Variants in UTP4 observed in about 807,000 individuals in gnomAD.
UTP4 encodes the protein UTP4 small subunit processome component.
In UTP4, 45 loss-of-function variants were observed where a neutral mutation model predicts 82.4. The observed-to-expected ratio is 0.55, with a 90% CI of 0.43 to 0.70. The LOEUF (loss-of-function observed/expected upper bound fraction) is 0.70, where lower values mean the gene tolerates loss of function less well. Among genes scored for constraint, UTP4 ranks in the 30% least tolerant of loss-of-function variants. UTP4 has a pLI of 0.00. For synonymous variants in UTP4, 348 were observed against 300.3 expected (o/e 1.16, Z -1.64); for missense variants, 819 against 858.3 (o/e 0.95, Z 0.57).
In UTP4 at chr16:69,160,359, C is replaced by A; in HGVS notation, c.1448C>A (p.Thr483Lys). The A allele has an allele frequency of 6.2e-7, 1 of 1,613,304 alleles. No individual in the cohort carries two copies. The highest frequency in any genetic ancestry group is 1.1e-5 in the South Asian group (1 of 91,062). Residue 483 changes from threonine to lysine, a missense_variant, in exon 13 of 17, where the codon ACA becomes AAA. Coordinates refer to ENST00000314423, the MANE Select transcript of UTP4 (RefSeq NM_032830.3). ...HLHAFQPQSG[T>K]VEAMCLLAVS... ...TGTAACTGTTTTGTCCTCACAGGAA[C>A]AGTGGAGGCCATGTGTCTTTTGGCA...
intron 6 of UTP4, among the ~76,000 whole-genome samples, chr16:69,150,192 T>C (rs1963223673): frequency 6.6e-6 from 1 of 152,230 alleles, no homozygotes; most frequent in Non-Finnish European, 1.5e-5. Context: ...TGAATTTCTT[T>C]GTTAGGTTTT....
chr16:69,135,502 C>A (rs115426255), intron 2 of UTP4, among the ~76,000 whole-genome samples: 1 of 152,014 alleles, frequency 6.6e-6, no homozygotes. Context: ...CACTTGAGCC[C>A]AGGAGTGTAA....
chr16:69,168,866 G>C lies in UTP4; in HGVS notation c.1990G>C (p.Val664Leu), dbSNP rs1211617881. The stretch of plus-strand genomic sequence containing the variant: ...TTTGGATGAAAGAACACTCGTGGCA[G>C]TAGAACGGCCTCTGGATGACATCAT... ...DLLDERTLVA[V>L]ERPLDDIIAQ... Residue 664 changes from valine (V) to leucine (L), a missense_variant, in exon 17 of 17, where the codon GTA (valine) becomes CTA (leucine). Physicochemically the swap from Val to Leu is conservative, Grantham distance 32 (BLOSUM62 1). Transcript: ENST00000314423. The C allele has an allele frequency of 6.2e-7, 1 of 1,614,006 alleles. No homozygotes were observed. Among genetic ancestry groups the C allele is most frequent in the East Asian group, 2.2e-5 (1 of 44,876 alleles).
rs571698027 is a variant in UTP4 at position 69,164,805 on chromosome 16, G to GAT, written c.1648-529_1648-528dup. Among the ~76,000 whole-genome samples, 753 of 151,916 alleles carry GAT rather than the reference G, an allele frequency of 5.0e-3. 4 individuals are homozygous for GAT. Among genetic ancestry groups the GAT allele is most frequent in the African/African-American group, 0.018 (734 of 41,458 alleles). On this transcript the variant is annotated intron_variant, in intron 14 of 16. Transcript: ENST00000314423. ...TCTGTGTTTCAGAATGGGCATGACC[G>GAT]ATATATATGTGTATTAATGTGGGTC...
intron 5 of UTP4, among the ~76,000 whole-genome samples, chr16:69,141,768 C>A (rs1414981357): frequency 2.6e-5 from 4 of 151,004 alleles, no homozygotes; most frequent in African/African-American, 9.7e-5. Flanking sequence ...TTTCGTGAAT[C>A]TTCTTTTTTA....
chr16:69,167,543 A>G (rs1963731790), intron 16 of UTP4: 1 of 253,210 alleles, frequency 3.9e-6, no homozygotes, highest in African/African-American at 2.3e-5. Context: ...CATACCTGTA[A>G]TCCCAGCACT....
At chr16:69,168,217 A>T (rs1430574341) in intron 16 of UTP4, among the ~76,000 whole-genome samples, 5 of 151,950 alleles carry the variant, frequency 3.3e-5, no homozygotes, top group Non-Finnish European at 7.4e-5. Context: ...TGGGCGGATC[A>T]CGAGTTCAGG....
chr16:69,138,292 C>T (rs1237842510), intron 4 of UTP4, among the ~76,000 whole-genome samples: 3 of 147,354 alleles, frequency 2.0e-5, no homozygotes, highest in Non-Finnish European at 4.5e-5. Flanking sequence ...CTGGCAGTGG[C>T]GGTGGCATGA....
chr16:69,141,283 A>T (rs965428920), intron 5 of UTP4, among the ~76,000 whole-genome samples: 2 of 152,124 alleles, frequency 1.3e-5, no homozygotes, highest in Admixed American at 6.5e-5. Context: ...ATCGGATAGG[A>T]TCTCCCATTT....
intron 2 of UTP4, among the ~76,000 whole-genome samples, chr16:69,135,747 T>TG (rs763462716): frequency 1.1e-3 from 170 of 152,126 alleles, no homozygotes; most frequent in Non-Finnish European, 2.1e-3. Context: ...GTGGGCCTGA[T>TG]GCGGTGGCTC....
chr16:69,137,912 A>G, intron 4 of UTP4, 27 bp downstream of exon 4: 1 of 1,330,278 alleles, frequency 7.5e-7, no homozygotes, highest in Non-Finnish European at 1.1e-6. Context: ...ATGGGGCGGT[A>G]AATAGCCTTA....
intron 6 of UTP4, among the ~76,000 whole-genome samples, chr16:69,144,847 A>C (rs535563221): frequency 9.8e-5 from 15 of 152,302 alleles, no homozygotes; most frequent in African/African-American, 1.7e-4. Flanking sequence ...ATTATACTTA[A>C]GAGTTAATTA....
rs752176075 is a variant in UTP4, at chr16:69,165,368, C to G, written c.1675C>G (p.Gln559Glu). The part of the protein sequence containing the change: ...QVFEYSIPDK[Q>E]YTDWSRTVQK... ...ATTTGAGTACAGCATCCCAGACAAA[C>G]AGTATACAGATTGGAGCCGGACTGT... The change falls in exon 15 of 17, where the codon CAG (glutamine) becomes GAG (glutamate). Residue 559 changes from glutamine to glutamate, a missense_variant. Gln to Glu is a conservative substitution (Grantham distance 29). Coordinates refer to ENST00000314423, the MANE Select transcript of UTP4 (RefSeq NM_032830.3). 1 of 1,614,160 alleles carries G rather than the reference C, an allele frequency of 6.2e-7. No individual in the cohort carries two copies. Among genetic ancestry groups the G allele is most frequent in the African/African-American group, 1.3e-5 (1 of 75,032 alleles).
chr16:69,157,713 G>A (rs1408456281), intron 12 of UTP4, among the ~76,000 whole-genome samples: 1 of 151,746 alleles, frequency 6.6e-6, no homozygotes, highest in East Asian at 1.9e-4. Context: ...TCCCATCTCA[G>A]CATCCTGAGT....
At chr16:69,137,722 TG>T (rs989237106) in intron 3 of UTP4, 78 bp from the exon 4 acceptor site, 5 of 807,022 alleles carry the variant, frequency 6.2e-6, no homozygotes, top group African/African-American at 5.1e-5. Context: ...GAGTGTGTGT[TG>T]GGGGGTGTGT....
chr16:69,141,344 T>G (rs974991247), intron 5 of UTP4, among the ~76,000 whole-genome samples: 23 of 152,334 alleles, frequency 1.5e-4, no homozygotes, highest in Admixed American at 5.9e-4. Flanking sequence ...TGAGTAAGAG[T>G]GCATGAGAAA....
chr16:69,165,728 G>C, intron 15 of UTP4: 1 of 651,036 alleles, frequency 1.5e-6, no homozygotes, highest in Non-Finnish European at 2.7e-6. Context: ...TCTTCGGGAG[G>C]CTCTCGGGGA....
At chr16:69,154,903 T>C (rs904822688) in intron 10 of UTP4, among the ~76,000 whole-genome samples, 4 of 152,100 alleles carry the variant, frequency 2.6e-5, no homozygotes, top group African/African-American at 9.6e-5. Context: ...TAATTTTTTG[T>C]ATTTTTAGTA....
chr16:69,148,241 G>A (rs1208500252), intron 6 of UTP4, among the ~76,000 whole-genome samples: 2 of 150,752 alleles, frequency 1.3e-5, no homozygotes, highest in African/African-American at 2.4e-5. Context: ...AATTACAGGC[G>A]TGAGCCACCG....
Sources: gnomAD v4.1 joint callset for allele counts (sites outside exome capture counted in the v4.1 genomes callset) on GRCh38, gnomAD v4.1.1 for gene constraint, MANE v1.5 for transcripts, NCBI Gene and HGNC (gene_info 2026-07-23, HGNC 2026-07-21) for gene names.